Variants in SLC20A2 observed in about 807,000 individuals in gnomAD.
SLC20A2 encodes the protein solute carrier family 20 member 2, also known as sodium-dependent phosphate transporter 2.
SLC20A2 carries 30 observed loss-of-function variants against 61.0 expected under a neutral mutation model. The ratio of observed to expected loss-of-function variants is 0.49; its 90% CI spans 0.37 to 0.67. The LOEUF (loss-of-function observed/expected upper bound fraction) is 0.67, where lower values mean the gene tolerates loss of function less well. Ranked by LOEUF, SLC20A2 falls within the 30% of genes least tolerant of loss-of-function variation. SLC20A2 has a pLI of 0.00. For synonymous variants in SLC20A2, 351 were observed against 353.3 expected (o/e 0.99, Z 0.07); for missense variants, 626 against 866.4 (o/e 0.72, Z 3.48).
chr8:42,462,089 G>A (rs1400185515), intron 4 of SLC20A2, among the ~76,000 whole-genome samples: 1 of 152,138 alleles, frequency 6.6e-6, no homozygotes, highest in Non-Finnish European at 1.5e-5. Flanking sequence ...GGGGAGGGGA[G>A]GAGAGGAGCA....
At chr8:42,492,132 G>A (rs926187894) in intron 1 of SLC20A2, among the ~76,000 whole-genome samples, 11 of 152,166 alleles carry the variant, frequency 7.2e-5, no homozygotes, top group Admixed American at 6.5e-5. Context: ...CGAGGTGGGT[G>A]GATCACGAGG....
At chr8:42,420,627 T>C (rs368171886) in intron 10 of SLC20A2, among the ~76,000 whole-genome samples, 1 of 152,250 alleles carries the variant, frequency 6.6e-6, no homozygotes, top group African/African-American at 2.4e-5. Flanking sequence ...TACATGCTCA[T>C]ATAGAACAGG....
intron 1 of SLC20A2, among the ~76,000 whole-genome samples, chr8:42,479,651 C>A (rs545954658): frequency 6.6e-6 from 1 of 152,168 alleles, no homozygotes; most frequent in East Asian, 1.9e-4. Context: ...CATAGCAAAA[C>A]CCTGTCTCTA....
At chr8:42,486,870 AT>A (rs1014440834) in intron 1 of SLC20A2, among the ~76,000 whole-genome samples, 1 of 151,524 alleles carries the variant, frequency 6.6e-6, no homozygotes, top group Non-Finnish European at 1.5e-5. Context: ...GATTATTTTT[AT>A]TTTTATTTTT....
chr8:42,427,334 AC>A, intron 10 of SLC20A2, among the ~76,000 whole-genome samples: 1 of 152,306 alleles, frequency 6.6e-6, no homozygotes, highest in East Asian at 1.9e-4. Context: ...GCTGATGGGG[AC>A]CTGAACGAGA....
chr8:42,527,708 C>T (rs1359200226), intron 1 of SLC20A2, among the ~76,000 whole-genome samples: 1 of 151,820 alleles, frequency 6.6e-6, no homozygotes, highest in Non-Finnish European at 1.5e-5. Context: ...GTGGAGGCTG[C>T]GGTGAGCCGA....
At chr8:42,527,085 C>CA (rs200908950) in intron 1 of SLC20A2, among the ~76,000 whole-genome samples, 2,892 of 145,706 alleles carry the variant, frequency 0.02, 100 homozygotes, top group African/African-American at 0.069. Flanking sequence ...GCCTGAGTAA[C>CA]AGAGTAAGAG....
chr8:42,521,760 G>C (rs1586261159), intron 1 of SLC20A2, among the ~76,000 whole-genome samples: 1 of 121,630 alleles, frequency 8.2e-6, no homozygotes, highest in East Asian at 2.7e-4. Flanking sequence ...AAAAGGCTGG[G>C]ATTACAGGTG....
intron 1 of SLC20A2, among the ~76,000 whole-genome samples, chr8:42,523,283 T>TCCC (rs1280402870): frequency 1.3e-5 from 2 of 152,164 alleles, no homozygotes; most frequent in Non-Finnish European, 2.9e-5. Flanking sequence ...TGAGCCGAGA[T>TCCC]TGTGCCATTG....
chr8:42,497,845 C>T (rs773919538), intron 1 of SLC20A2, among the ~76,000 whole-genome samples: 9 of 151,838 alleles, frequency 5.9e-5, no homozygotes, highest in South Asian at 2.1e-4. Flanking sequence ...CACAGAACCA[C>T]GCAGGCCGCT....
intron 1 of SLC20A2, among the ~76,000 whole-genome samples, chr8:42,525,602 A>G (rs974395155): frequency 7.3e-5 from 11 of 151,462 alleles, no homozygotes; most frequent in Admixed American, 2.6e-4. Context: ...AAAAAAAAAA[A>G]AAAGAAAGTA....
At chr8:42,465,961 G>C in intron 2 of SLC20A2, 44 bp from the exon 3 acceptor site, 1 of 1,540,082 alleles carries the variant, frequency 6.5e-7, no homozygotes, top group Non-Finnish European at 8.7e-7. Flanking sequence ...AGAGTACAGA[G>C]GTGCAGACAC....
At chr8:42,448,082 T>G (rs936688487) in intron 5 of SLC20A2, among the ~76,000 whole-genome samples, 5 of 152,230 alleles carry the variant, frequency 3.3e-5, no homozygotes, top group African/African-American at 1.2e-4. Context: ...GCACCAAAGC[T>G]GGTTCTTGCC....
At chr8:42,447,225 A>AG (rs1475368823) in intron 5 of SLC20A2, among the ~76,000 whole-genome samples, 1 of 152,056 alleles carries the variant, frequency 6.6e-6, no homozygotes, top group Non-Finnish European at 1.5e-5. Flanking sequence ...GCACGCCTGT[A>AG]GTCCCAACTA....
At chr8:42,507,858 T>C (rs1810799567) in intron 1 of SLC20A2, among the ~76,000 whole-genome samples, 1 of 152,268 alleles carries the variant, frequency 6.6e-6, no homozygotes, top group African/African-American at 2.4e-5. Flanking sequence ...GGCTTCCAGT[T>C]GTGTTAATCA....
chr8:42,475,377 G>A (rs1490652212), intron 1 of SLC20A2, among the ~76,000 whole-genome samples: 1 of 150,134 alleles, frequency 6.7e-6, no homozygotes, highest in East Asian at 1.9e-4. Flanking sequence ...TGGGATCACT[G>A]GTGTGAGATA....
rs1808133538 is a variant in SLC20A2, at chr8:42,476,675, C to T, written c.-264-4021G>A. Among the ~76,000 whole-genome samples, 5 of 152,172 alleles carry T rather than the reference C, an allele frequency of 3.3e-5. No homozygotes were observed. In the South Asian group the frequency reaches 1.0e-3, roughly 32 times the overall value. On this transcript the variant is annotated intron_variant, in intron 1 of 10. Coordinates refer to ENST00000520262, the MANE Select transcript of SLC20A2 (RefSeq NM_001257180.2). Reference sequence around the variant, plus strand: ...TTAAACAGCCTTAGACAACTCATTTCCACAATTGTGCCTATGCTCTTTAGC... The same window carrying T: ...TTAAACAGCCTTAGACAACTCATTTTCACAATTGTGCCTATGCTCTTTAGC...
intron 1 of SLC20A2, among the ~76,000 whole-genome samples, chr8:42,533,651 G>GTTCTTTTTTTCTTTTTTTTTTT (rs1380902729): frequency 1.1e-5 from 1 of 89,736 alleles, no homozygotes; most frequent in Non-Finnish European, 2.1e-5. Flanking sequence ...ATGATCAACT[G>GTTCTTTTTTTCTTTTTTTTTTT]TTCTTTTTTT....
At chr8:42,514,537 C>T (rs1293498778) in intron 1 of SLC20A2, among the ~76,000 whole-genome samples, 1 of 152,076 alleles carries the variant, frequency 6.6e-6, no homozygotes, top group Non-Finnish European at 1.5e-5. Flanking sequence ...GCAGGTGGAT[C>T]ATTTGAGGTC....
Sources: allele counts gnomAD v4.1 joint callset (sites outside exome capture counted in the v4.1 genomes callset), GRCh38; gene constraint gnomAD v4.1.1; transcripts MANE v1.5; gene names NCBI Gene and HGNC (gene_info 2026-07-23, HGNC 2026-07-21).